Variants in AGMO observed in about 807,000 individuals in gnomAD.
The protein encoded by AGMO is alkylglycerol monooxygenase, also known as glyceryl-ether monooxygenase.
AGMO carries 75 observed loss-of-function variants against 60.2 expected under a neutral mutation model. That is an observed-to-expected ratio of 1.25 (90% CI 1.03 to 1.51). AGMO has a LOEUF of 1.51. Among genes scored for constraint, AGMO ranks in the 40% most tolerant of loss-of-function variants. The probability of loss-of-function intolerance (pLI) is 0.00; values close to 1 mark genes in which losing one functional copy is unlikely to be tolerated. For synonymous variants in AGMO, 261 were observed against 177.1 expected, an observed-to-expected ratio of 1.47 and a Z score of -3.76; for missense variants, 763 against 525.5, an observed-to-expected ratio of 1.45 and a Z score of -4.42.
At chr7:15,151,361 T>C in the AGMO span, among the ~76,000 whole-genome samples, 2 of 152,228 alleles carry the variant, frequency 1.3e-5, no homozygotes, top group Non-Finnish European at 1.5e-5. Flanking sequence ...TTTTTTCTGC[T>C]AGCTTTGGGG....
At chr7:15,457,922 T>C (rs1782040561) in intron 3 of AGMO, among the ~76,000 whole-genome samples, 1 of 152,164 alleles carries the variant, frequency 6.6e-6, no homozygotes, top group Non-Finnish European at 1.5e-5. Context: ...AAAATTGACA[T>C]TCCAATTATA....
the AGMO span, among the ~76,000 whole-genome samples, chr7:15,154,354 C>T: frequency 4.6e-5 from 7 of 152,106 alleles, no homozygotes; most frequent in African/African-American, 1.7e-4. Flanking sequence ...ACAAGGAAAA[C>T]TCCAAAATAC....
At chr7:15,322,981 A>AT (rs146681446) in intron 12 of AGMO, among the ~76,000 whole-genome samples, 1,829 of 146,392 alleles carry the variant, frequency 0.012, 24 homozygotes, top group South Asian at 0.028. Flanking sequence ...ATATATATGT[A>AT]TTTATTTTTT....
the AGMO span, among the ~76,000 whole-genome samples, chr7:15,134,212 G>C: frequency 6.6e-6 from 1 of 152,096 alleles, no homozygotes; most frequent in East Asian, 1.9e-4. Flanking sequence ...ACCCAGGCTG[G>C]AGTACAGTGG....
At chr7:15,390,956 T>C in intron 6 of AGMO, 51 bp from the exon 7 acceptor site, 1 of 1,109,026 alleles carries the variant, frequency 9.0e-7, no homozygotes, top group Admixed American at 2.3e-5. Context: ...GTTATGCTTT[T>C]TGAGATACTT....
At position 15,322,731 on chromosome 7, in the gene AGMO, T is replaced by TAAATAC. The variant is rs1185080282; in HGVS notation, c.1263+42782_1263+42783insGTATTT. Among the ~76,000 whole-genome samples, 2 of 126,868 alleles carry TAAATAC rather than the reference T, an allele frequency of 1.6e-5. 1 individual carries two copies. The highest frequency in any genetic ancestry group is 1.9e-4 in the Admixed American group (2 of 10,616). The allele number at this position is 126,868 out of a possible 152,430, so 83.2% of individuals were successfully genotyped here. A position where few individuals can be genotyped will look rare whatever the true frequency, so the allele number is the denominator to read the frequency against. On this transcript the variant is annotated intron_variant, in intron 12 of 12. Coordinates refer to ENST00000342526, the MANE Select transcript of AGMO (RefSeq NM_001004320.2). ...ATATATATAAATATATAAATATATA[T>TAAATAC]ATAAATATATAAATATATATAAATA...
At chr7:15,180,342 A>AT in the AGMO span, among the ~76,000 whole-genome samples, 7 of 151,880 alleles carry the variant, frequency 4.6e-5, no homozygotes, top group East Asian at 1.9e-4. Flanking sequence ...TGCTATTTAG[A>AT]TATTTTTTTT....
chr7:15,149,399 A>T, the AGMO span, among the ~76,000 whole-genome samples: 1 of 152,076 alleles, frequency 6.6e-6, no homozygotes. Flanking sequence ...CAAGGCCTAC[A>T]TCCACAAAAA....
intron 12 of AGMO, among the ~76,000 whole-genome samples, chr7:15,232,801 G>GCACACACA (rs71004371): frequency 0.067 from 9,853 of 146,956 alleles, 404 homozygotes; most frequent in South Asian, 0.16. Flanking sequence ...ACACACACAC[G>GCACACACA]CACACACACA....
chr7:15,506,736 T>A (rs1783521250), intron 3 of AGMO, among the ~76,000 whole-genome samples: 1 of 151,868 alleles, frequency 6.6e-6, no homozygotes, highest in Non-Finnish European at 1.5e-5. Context: ...AATGGAAGAT[T>A]CAGATAAAAG....
intron 9 of AGMO, 31 bp downstream of exon 9, chr7:15,387,375 C>G (rs1783958431): frequency 6.2e-6 from 10 of 1,604,410 alleles, no homozygotes; most frequent in Non-Finnish European, 8.5e-6. Flanking sequence ...AGACAATCTT[C>G]ACCATCTCCA....
At chr7:15,241,471 A>C (rs1213567915) in intron 12 of AGMO, among the ~76,000 whole-genome samples, 3 of 114,552 alleles carry the variant, frequency 2.6e-5, no homozygotes, top group African/African-American at 6.0e-5. Flanking sequence ...AAAAAAAAAA[A>C]AAAAAAAAAA....
In AGMO at chr7:15,354,437, T is replaced by C. The variant is rs1442382850; in HGVS notation, c.1263+11077A>G. Among the ~76,000 whole-genome samples, 60 of 20,546 alleles carry C rather than the reference T, an allele frequency of 2.9e-3. 4 individuals carry two copies. The highest frequency in any genetic ancestry group is 0.026 in the African/African-American group (51 of 1,936). 13.5% of individuals were successfully genotyped at this position (20,546 alleles called of 152,430 possible). On this transcript the variant is annotated intron_variant, in intron 12 of 12. Coordinates refer to ENST00000342526, the MANE Select transcript of AGMO (RefSeq NM_001004320.2). ...GTGTGTGTATACACACACGTGTGTG[T>C]ATACACACGTGTGTGTATACACACG...
At chr7:15,423,081 T>C (rs1293053377) in intron 4 of AGMO, among the ~76,000 whole-genome samples, 1 of 140,524 alleles carries the variant, frequency 7.1e-6, no homozygotes, top group Non-Finnish European at 1.6e-5. Flanking sequence ...TTTTGGACTC[T>C]AGAATTCATG....
At chr7:15,240,305 T>C (rs1439653811) in intron 12 of AGMO, among the ~76,000 whole-genome samples, 3 of 152,208 alleles carry the variant, frequency 2.0e-5, no homozygotes, top group Non-Finnish European at 2.9e-5. Context: ...TTAGAACGTA[T>C]ACTAAAAAAT....
intron 5 of AGMO, among the ~76,000 whole-genome samples, chr7:15,409,847 A>G (rs1337874948): frequency 6.6e-6 from 1 of 151,852 alleles, no homozygotes; most frequent in Non-Finnish European, 1.5e-5. Flanking sequence ...TAGGTTTGAC[A>G]CTTACTAATC....
At chr7:15,359,540 G>A (rs552916868) in intron 12 of AGMO, among the ~76,000 whole-genome samples, 2 of 152,172 alleles carry the variant, frequency 1.3e-5, no homozygotes, top group South Asian at 4.1e-4. Flanking sequence ...TTTTGTAGAA[G>A]TAAAGTTTTT....
chr7:15,201,806 G>A (rs1007452709), intron 12 of AGMO, among the ~76,000 whole-genome samples: 14 of 152,084 alleles, frequency 9.2e-5, no homozygotes, highest in Middle Eastern at 3.4e-3. Flanking sequence ...TATGAATTTC[G>A]CCCAACGTGA....
intron 2 of AGMO, among the ~76,000 whole-genome samples, chr7:15,545,186 T>G (rs74718163): frequency 1.3e-5 from 2 of 152,108 alleles, no homozygotes; most frequent in African/African-American, 4.8e-5. Context: ...TAAAAGGCCA[T>G]TTTTTATGTC....
Sources: allele counts gnomAD v4.1 joint callset (sites outside exome capture counted in the v4.1 genomes callset), GRCh38; gene constraint gnomAD v4.1.1; transcripts MANE v1.5; gene names NCBI Gene and HGNC (gene_info 2026-07-23, HGNC 2026-07-21).